Variants in AK7 observed in about 807,000 individuals in gnomAD.
AK7 encodes the protein adenylate kinase 7.
Under a neutral mutation model 96.6 loss-of-function variants are expected in AK7, and 78 were observed. The ratio of observed to expected loss-of-function variants is 0.81; its 90% CI spans 0.67 to 0.97. The LOEUF (loss-of-function observed/expected upper bound fraction) is 0.97. Ranked by LOEUF, AK7 falls within the 50% of genes least tolerant of loss-of-function variation. The pLI is 0.00. For missense variants in AK7, 855 were observed against 887.9 expected (o/e 0.96, Z 0.47); for synonymous variants, 302 against 317.2 (o/e 0.95, Z 0.51).
At chr14:96,400,848 T>A (rs1205628823) in intron 2 of AK7, among the ~76,000 whole-genome samples, 1 of 152,086 alleles carries the variant, frequency 6.6e-6, no homozygotes, top group African/African-American at 2.4e-5. Context: ...GGCTGAGGAG[T>A]ATCTGAAGCA....
chr14:96,478,407 A>G, intron 14 of AK7, 58 bp from the exon 15 acceptor site: 1 of 1,574,284 alleles, frequency 6.4e-7, no homozygotes, highest in South Asian at 1.1e-5. Flanking sequence ...GTTCTCCAGC[A>G]CCCTGCTAGT....
intron 3 of AK7, among the ~76,000 whole-genome samples, chr14:96,408,545 G>C (rs1263456479): frequency 6.6e-6 from 1 of 152,266 alleles, no homozygotes; most frequent in Non-Finnish European, 1.5e-5. Context: ...CCACAATTCT[G>C]AGCTCAGCTC....
chr14:96,458,438 A>G (rs546116576), intron 12 of AK7, among the ~76,000 whole-genome samples: 1 of 152,000 alleles, frequency 6.6e-6, no homozygotes, highest in South Asian at 2.1e-4. Flanking sequence ...TCTACAAAAA[A>G]ATACAAAAAT....
chr14:96,446,972 A>C (rs752919087), intron 8 of AK7, among the ~76,000 whole-genome samples: 1 of 152,164 alleles, frequency 6.6e-6, no homozygotes, highest in Non-Finnish European at 1.5e-5. Flanking sequence ...TAAAATAAAA[A>C]TAAATTAAAA....
At position 96,449,841 on chromosome 14, in the gene AK7, A is replaced by G. The variant is rs781334348; in HGVS notation, c.910A>G (p.Ile304Val). 1 of 1,611,738 alleles carries G rather than the reference A, an allele frequency of 6.2e-7. No homozygotes were observed. The highest frequency in any genetic ancestry group is 8.5e-7 in the Non-Finnish European group (1 of 1,178,864). ...TACTGGCCCTGGGAAAATCCAGAAA[A>G]TACCCAGAGAAAATGCATACCTAAC... ...KNTGPGKIQK[I>V]PRENAYLTKD... Residue 304 changes from isoleucine (I) to valine (V), a missense_variant, in exon 9 of 18, where the codon ATA becomes GTA. Ile to Val is a conservative substitution (Grantham distance 29, BLOSUM62 3). Transcript: ENST00000267584.
chr14:96,439,556 C>T (rs1296383045), intron 6 of AK7, among the ~76,000 whole-genome samples: 2 of 150,512 alleles, frequency 1.3e-5, no homozygotes, highest in Non-Finnish European at 2.9e-5. Flanking sequence ...CCCAGCTACT[C>T]GTTAGGCTGA....
At chr14:96,452,454 T>C (rs564350751) in intron 10 of AK7, among the ~76,000 whole-genome samples, 2 of 151,188 alleles carry the variant, frequency 1.3e-5, no homozygotes, top group South Asian at 4.2e-4. Context: ...TCCTGAGTAG[T>C]ACCTGAGATT....
chr14:96,406,853 A>T (rs889658135), intron 3 of AK7, among the ~76,000 whole-genome samples: 3 of 152,122 alleles, frequency 2.0e-5, no homozygotes, highest in East Asian at 3.9e-4. Flanking sequence ...TTTTTAAAAA[A>T]TTTTTTGTAG....
intron 8 of AK7, among the ~76,000 whole-genome samples, chr14:96,448,449 T>C (rs1442601380): frequency 2.6e-5 from 4 of 151,750 alleles, no homozygotes; most frequent in Non-Finnish European, 5.9e-5. Context: ...TTGGGCATAG[T>C]GAGACTCCCT....
intron 14 of AK7, among the ~76,000 whole-genome samples, chr14:96,476,146 C>A (rs997068154): frequency 6.6e-6 from 1 of 152,102 alleles, no homozygotes; most frequent in African/African-American, 2.4e-5. Flanking sequence ...CTTTGAAGAC[C>A]TCTTGGTTGA....
chr14:96,426,133 C>G (rs913275136), intron 5 of AK7, among the ~76,000 whole-genome samples: 13 of 152,104 alleles, frequency 8.5e-5, no homozygotes, highest in Admixed American at 2.0e-4. Context: ...GTGATTTTCT[C>G]TGGTGATATG....
At chr14:96,402,373 G>A (rs1053639986) in intron 2 of AK7, among the ~76,000 whole-genome samples, 30 of 152,146 alleles carry the variant, frequency 2.0e-4, no homozygotes, top group African/African-American at 4.1e-4. Context: ...CTGAAAATGC[G>A]GCTGTTTCAT....
At chr14:96,454,179 T>C (rs1287176806) in intron 10 of AK7, among the ~76,000 whole-genome samples, 3 of 152,170 alleles carry the variant, frequency 2.0e-5, no homozygotes, top group Non-Finnish European at 4.4e-5. Context: ...GTAATGATAT[T>C]AACCAACTTG....
chr14:96,406,312 GC>G (rs912837125), intron 3 of AK7, among the ~76,000 whole-genome samples: 4 of 152,130 alleles, frequency 2.6e-5, no homozygotes, highest in African/African-American at 9.7e-5. Context: ...TCACAGATGG[GC>G]ATTGGCCTTT....
chr14:96,419,875 G>A (rs1326459169), intron 4 of AK7, among the ~76,000 whole-genome samples: 2 of 136,458 alleles, frequency 1.5e-5, no homozygotes, highest in South Asian at 4.7e-4. Context: ...TGCAACATCC[G>A]CCTCCTGGGT....
intron 5 of AK7, among the ~76,000 whole-genome samples, chr14:96,422,919 T>C (rs1891793399): frequency 6.6e-6 from 1 of 152,204 alleles, no homozygotes; most frequent in African/African-American, 2.4e-5. Context: ...ATTATGATGA[T>C]GATGATTTTT....
At chr14:96,432,641 G>A (rs919196296) in intron 5 of AK7, among the ~76,000 whole-genome samples, 1 of 151,970 alleles carries the variant, frequency 6.6e-6, no homozygotes, top group East Asian at 1.9e-4. Flanking sequence ...CTTCACTTAC[G>A]AAGCTTAGTT....
intron 17 of AK7, 49 bp downstream of exon 17, chr14:96,487,105 C>A (rs376586164): frequency 1.3e-5 from 21 of 1,587,364 alleles, no homozygotes; most frequent in Admixed American, 1.7e-5. Context: ...TTGGGTGTGG[C>A]GGCTTACACC....
chr14:96,465,190 C>A (rs1006198133), intron 12 of AK7, among the ~76,000 whole-genome samples: 1 of 151,968 alleles, frequency 6.6e-6, no homozygotes, highest in Non-Finnish European at 1.5e-5. Context: ...GAACGGGTGC[C>A]GTGGCTCACG....
Sources: gnomAD v4.1 joint callset for allele counts (sites outside exome capture counted in the v4.1 genomes callset) on GRCh38, gnomAD v4.1.1 for gene constraint, MANE v1.5 for transcripts, NCBI Gene and HGNC (gene_info 2026-07-23, HGNC 2026-07-21) for gene names.